ARHGAP24: variants seen among roughly 807,000 people sequenced by gnomAD.
The protein encoded by ARHGAP24 is Rho GTPase activating protein 24, also known as rho GTPase-activating protein 24.
Under a neutral mutation model 76.4 loss-of-function variants are expected in ARHGAP24, and 50 were observed. The ratio of observed to expected loss-of-function variants is 0.65; its 90% CI spans 0.52 to 0.83. The LOEUF is 0.83. ARHGAP24 is among the 40% of genes least tolerant of loss of function. The probability of loss-of-function intolerance (pLI) is 0.00; values close to 1 mark genes in which losing one functional copy is unlikely to be tolerated. For missense variants in ARHGAP24, 930 were observed against 914.2 expected (o/e 1.02, Z -0.22); for synonymous variants, 345 against 323.3 (o/e 1.07, Z -0.72).
chr4:85,941,664 C>T (rs1291792471), intron 4 of ARHGAP24, among the ~76,000 whole-genome samples: 2 of 152,194 alleles, frequency 1.3e-5, no homozygotes, highest in Non-Finnish European at 2.9e-5. Flanking sequence ...AAATATAAAA[C>T]TGTAATAAAG....
intron 3 of ARHGAP24, among the ~76,000 whole-genome samples, chr4:85,803,762 C>T (rs866886046): frequency 9.2e-5 from 14 of 152,146 alleles, no homozygotes; most frequent in Non-Finnish European, 1.5e-4. Context: ...GTGGGATTTA[C>T]AGAATGTGGC....
chr4:85,627,127 C>G (rs1304523513), intron 2 of ARHGAP24, among the ~76,000 whole-genome samples: 1 of 152,102 alleles, frequency 6.6e-6, no homozygotes, highest in East Asian at 1.9e-4. Flanking sequence ...GAGCTGCATT[C>G]CTTTGGAGGA....
rs559452710 is a variant in ARHGAP24, at chr4:85,652,915, G to A, written c.181-68970G>A. ...GAGTTTTTTGTTTGTTTGTTTTAGA[G>A]TTGGGCATAATGGTTTTCTTTCTTG... On this transcript the variant is annotated intron_variant, in intron 2 of 9. Coordinates refer to ENST00000395184, the MANE Select transcript of ARHGAP24 (RefSeq NM_001025616.3). Among the ~76,000 whole-genome samples, 5 of 152,224 alleles carry A rather than the reference G, an allele frequency of 3.3e-5. No homozygotes were observed. In the East Asian group the frequency reaches 9.6e-4, roughly 29 times the overall value.
At chr4:85,941,539 G>T (rs894354592) in intron 4 of ARHGAP24, among the ~76,000 whole-genome samples, 1 of 152,144 alleles carries the variant, frequency 6.6e-6, no homozygotes, top group Admixed American at 6.5e-5. Context: ...TTATATGGGA[G>T]AAAATTCAGC....
chr4:85,537,164 A>C (rs1278557748), intron 1 of ARHGAP24, among the ~76,000 whole-genome samples: 4 of 152,094 alleles, frequency 2.6e-5, no homozygotes, highest in Admixed American at 2.0e-4. Flanking sequence ...ATGGACAAGC[A>C]CCTATTGAGC....
intron 3 of ARHGAP24, among the ~76,000 whole-genome samples, chr4:85,744,053 A>C (rs899801491): frequency 1.3e-5 from 2 of 152,200 alleles, no homozygotes; most frequent in Admixed American, 1.3e-4. Context: ...AACAAAAACA[A>C]AAACAAAACC....
At chr4:85,673,076 G>A (rs950993695) in intron 2 of ARHGAP24, among the ~76,000 whole-genome samples, 2 of 152,154 alleles carry the variant, frequency 1.3e-5, no homozygotes, top group African/African-American at 2.4e-5. Flanking sequence ...TTGATAGATC[G>A]AGCTGGAGAG....
intron 3 of ARHGAP24, among the ~76,000 whole-genome samples, chr4:85,879,198 G>C (rs1441551909): frequency 6.6e-6 from 1 of 152,110 alleles, no homozygotes; most frequent in Non-Finnish European, 1.5e-5. Context: ...GTTCTATGCA[G>C]TTGTAGTGAG....
intron 1 of ARHGAP24, among the ~76,000 whole-genome samples, chr4:85,563,098 G>A (rs1198279370): frequency 2.0e-5 from 3 of 152,198 alleles, no homozygotes; most frequent in East Asian, 1.9e-4. Flanking sequence ...CTAATCTCAT[G>A]CAGAAGCTCT....
intron 2 of ARHGAP24, among the ~76,000 whole-genome samples, chr4:85,578,749 T>TATTATC (rs1727489139): frequency 6.6e-6 from 1 of 151,262 alleles, no homozygotes. Flanking sequence ...TTGATGTTAC[T>TATTATC]ATCATCATCA....
intron 3 of ARHGAP24, among the ~76,000 whole-genome samples, chr4:85,893,847 G>C (rs1405679689): frequency 1.4e-5 from 2 of 146,270 alleles, no homozygotes; most frequent in African/African-American, 2.5e-5. Flanking sequence ...ACTATCGCAA[G>C]AACAAAAAAC....
At chr4:85,963,798 T>C (rs1227353705) in intron 5 of ARHGAP24, among the ~76,000 whole-genome samples, 1 of 152,190 alleles carries the variant, frequency 6.6e-6, no homozygotes, top group Admixed American at 6.5e-5. Flanking sequence ...GCTTAAACAA[T>C]TGCCCTTTGC....
Position 85,942,260 on chromosome 4 carries a change from C to T in ARHGAP24, c.586C>T (p.Pro196Ser). The change falls in exon 5 of 10, where the codon CCA (proline) becomes TCA (serine). Residue 196 changes from proline to serine, a missense_variant. Coordinates refer to ENST00000395184, the MANE Select transcript of ARHGAP24 (RefSeq NM_001025616.3). Reference sequence around the variant, plus strand: ...AGATGCCTTTGACTGTGGGGAGAAGCCATCATTTGACAGGTAGATGTCACA... The same window carrying T: ...AGATGCCTTTGACTGTGGGGAGAAGTCATCATTTGACAGGTAGATGTCACA... ...LQDAFDCGEK[P>S]SFDSNTDVHT... 1 of 1,613,966 alleles carries T rather than the reference C, an allele frequency of 6.2e-7. No individual in the cohort carries two copies. Among genetic ancestry groups the T allele is most frequent in the Non-Finnish European group, 8.5e-7 (1 of 1,179,978 alleles).
intron 2 of ARHGAP24, among the ~76,000 whole-genome samples, chr4:85,678,057 A>G (rs1723050097): frequency 6.6e-6 from 1 of 151,298 alleles, no homozygotes; most frequent in Admixed American, 6.6e-5. Flanking sequence ...AAAAAGAAAA[A>G]GGAAAAAAAT....
At chr4:85,627,267 C>A (rs2110009548) in intron 2 of ARHGAP24, among the ~76,000 whole-genome samples, 1 of 152,236 alleles carries the variant, frequency 6.6e-6, no homozygotes, top group East Asian at 1.9e-4. Context: ...AATGTCCTTT[C>A]TTTTTGTTAG....
chr4:85,653,471 T>G (rs978580511), intron 2 of ARHGAP24, among the ~76,000 whole-genome samples: 2 of 129,140 alleles, frequency 1.5e-5, no homozygotes, highest in African/African-American at 5.9e-5. Flanking sequence ...ATGTAAATTA[T>G]TTAATTAATT....
Position 85,504,330 on chromosome 4 carries a change from C to T in ARHGAP24, c.-21+28771C>T, listed in dbSNP as rs112875412. On this transcript the variant is annotated intron_variant, in intron 1 of 9. Transcript: ENST00000395184. Reference sequence around the variant, plus strand: ...TCGACAGTGGGGTGTTAAAGTCTCCCATTATTATTGTGTGGGAGTCTAAGT... The same window carrying T: ...TCGACAGTGGGGTGTTAAAGTCTCCTATTATTATTGTGTGGGAGTCTAAGT... Among the ~76,000 whole-genome samples, 1,170 of 152,214 alleles carry T rather than the reference C, an allele frequency of 7.7e-3. 12 individuals are homozygous for T. The highest frequency in any genetic ancestry group is 0.027 in the African/African-American group (1,101 of 41,526).
intron 1 of ARHGAP24, among the ~76,000 whole-genome samples, chr4:85,520,157 G>T (rs17010318): frequency 0.11 from 16,831 of 152,070 alleles, 2,993 homozygotes; most frequent in African/African-American, 0.37. Flanking sequence ...TATAAAAGAG[G>T]TTTTAATTTC....
chr4:85,715,294 G>A (rs977664150), intron 2 of ARHGAP24, among the ~76,000 whole-genome samples: 1 of 151,904 alleles, frequency 6.6e-6, no homozygotes, highest in Admixed American at 6.6e-5. Flanking sequence ...ACTCACCTAG[G>A]TTATAATACT....
Sources: allele counts gnomAD v4.1 joint callset (sites outside exome capture counted in the v4.1 genomes callset), GRCh38; gene constraint gnomAD v4.1.1; transcripts MANE v1.5; gene names NCBI Gene and HGNC (gene_info 2026-07-23, HGNC 2026-07-21).